Variants in FOXP1 observed in about 807,000 individuals in gnomAD.
FOXP1 encodes forkhead box protein P1.
A neutral mutation model predicts 98.2 loss-of-function variants in FOXP1; 15 were observed. That is an observed-to-expected ratio of 0.15 (90% CI 0.10 to 0.24). The LOEUF (loss-of-function observed/expected upper bound fraction) is 0.24. Ranked by LOEUF, FOXP1 falls within the 10% of genes least tolerant of loss-of-function variation. The pLI is 1.00. For missense variants in FOXP1, 633 were observed against 848.5 expected, an observed-to-expected ratio of 0.75 and a Z score of 3.15; for synonymous variants, 371 against 314.5, an observed-to-expected ratio of 1.18 and a Z score of -1.90.
intron 11 of FOXP1, among the ~76,000 whole-genome samples, chr3:71,024,575 C>A (rs1034638681): frequency 2.6e-5 from 4 of 152,124 alleles, no homozygotes; most frequent in East Asian, 1.9e-4. Flanking sequence ...CGCAGGGAAT[C>A]CTTGACTCTC....
At chr3:71,212,877 T>C (rs549476130) in intron 5 of FOXP1, among the ~76,000 whole-genome samples, 72 of 151,996 alleles carry the variant, frequency 4.7e-4, no homozygotes, top group African/African-American at 1.6e-3. Flanking sequence ...GCTTCATAGA[T>C]TGTATCATTT....
At chr3:71,210,520 C>G (rs2064374701) in intron 5 of FOXP1, among the ~76,000 whole-genome samples, 1 of 152,172 alleles carries the variant, frequency 6.6e-6, no homozygotes, top group African/African-American at 2.4e-5. Flanking sequence ...GAAGAGACAT[C>G]AAGAACTTCC....
intron 5 of FOXP1, among the ~76,000 whole-genome samples, chr3:71,205,815 A>T (rs1287604580): frequency 1.3e-5 from 2 of 152,232 alleles, no homozygotes; most frequent in African/African-American, 4.8e-5. Context: ...AGTGGGGATC[A>T]TCTATAGCTA....
chr3:71,084,951 T>C, intron 7 of FOXP1, among the ~76,000 whole-genome samples: 1 of 152,172 alleles, frequency 6.6e-6, no homozygotes, highest in East Asian at 1.9e-4. Context: ...CAATAGTTGC[T>C]TGAATAAATA....
At chr3:71,026,901 G>C (rs1461775746) in intron 11 of FOXP1, among the ~76,000 whole-genome samples, 1 of 152,200 alleles carries the variant, frequency 6.6e-6, no homozygotes, top group Non-Finnish European at 1.5e-5. Flanking sequence ...AGCACAAAAT[G>C]CCTGTATTTG....
intron 2 of FOXP1, among the ~76,000 whole-genome samples, chr3:71,504,305 G>A (rs974043608): frequency 3.3e-5 from 5 of 152,046 alleles, no homozygotes; most frequent in South Asian, 4.1e-4. Flanking sequence ...GAGCAGAAAC[G>A]AAATTTCAGA....
At chr3:71,378,252 A>G (rs1015173762) in intron 3 of FOXP1, among the ~76,000 whole-genome samples, 13 of 152,136 alleles carry the variant, frequency 8.5e-5, no homozygotes, top group African/African-American at 2.9e-4. Flanking sequence ...AGTAACTAAC[A>G]GAACAATACA....
chr3:71,368,271 G>A lies in FOXP1; in HGVS notation c.-167-9027C>T, dbSNP rs1373246484. On this transcript the variant is annotated intron_variant, in intron 3 of 20. Transcript: ENST00000649528. ...TCCTGAGTAGCTGGGATAAACAGGC[G>A]TGTGCCACGACACCTGGCTAATTTT... Among the ~76,000 whole-genome samples the A allele has an allele frequency of 6.6e-5, 10 of 151,984 alleles. 1 individual carries two copies. In the South Asian group the frequency reaches 8.3e-4, roughly 13 times the overall value.
At chr3:71,434,940 G>A (rs559606986) in intron 3 of FOXP1, among the ~76,000 whole-genome samples, 40 of 151,968 alleles carry the variant, frequency 2.6e-4, no homozygotes, top group South Asian at 6.2e-4. Context: ...ACAGGCCCCC[G>A]TCACCTCCGT....
rs73094887 is a variant in FOXP1, at chr3:71,537,085, C to T, written c.-297-43530G>A. The stretch of plus-strand genomic sequence containing the variant: ...GCCAGCGATCCCTAAATAAAAGGTG[C>T]CACTGGGGTTTTAACTTCCTTTAAG... On this transcript the variant is annotated intron_variant, in intron 2 of 20. Coordinates refer to ENST00000649528, the MANE Select transcript of FOXP1 (RefSeq NM_001349338.3). Among the ~76,000 whole-genome samples the T allele has an allele frequency of 3.2e-3, 486 of 152,248 alleles. 1 individual carries two copies. Among genetic ancestry groups the T allele is most frequent in the Non-Finnish European group, 4.2e-3 (284 of 68,006 alleles).
At position 71,248,357 on chromosome 3, in the gene FOXP1, C is replaced by T. The variant is rs537833823; in HGVS notation, c.-11-49965G>A. ...ACCAGTTCATCAGCCATGCTCTCTT[C>T]CTGCTAATAATGGAGTTGGAAAAAG... On this transcript the variant is annotated intron_variant, in intron 5 of 20. Coordinates refer to ENST00000649528, the MANE Select transcript of FOXP1 (RefSeq NM_001349338.3). Among the ~76,000 whole-genome samples the T allele has an allele frequency of 4.6e-5, 7 of 152,272 alleles. No homozygotes were observed. In the South Asian group the frequency reaches 8.3e-4, roughly 18 times the overall value.
At chr3:71,373,072 C>T (rs2079457961) in intron 3 of FOXP1, among the ~76,000 whole-genome samples, 1 of 152,182 alleles carries the variant, frequency 6.6e-6, no homozygotes, top group Non-Finnish European at 1.5e-5. Flanking sequence ...AGCTCCTCTA[C>T]CCTGGACGAC....
rs202216557 is a variant in FOXP1, at chr3:71,082,303, G to C, written c.283-28530C>G. ...AAAAAAAAGAAAAAAAAAAAAAAAA[G>C]AATAGACGGTGCTGATGTCTAGAAC... On this transcript the variant is annotated intron_variant, in intron 7 of 20. Transcript: ENST00000649528. Among the ~76,000 whole-genome samples the C allele has an allele frequency of 3.5e-5, 5 of 143,454 alleles. No homozygotes were observed. In the South Asian group the frequency reaches 8.8e-4, roughly 25 times the overall value. 94.1% of individuals were successfully genotyped at this position (143,454 alleles called of 152,430 possible).
intron 3 of FOXP1, among the ~76,000 whole-genome samples, chr3:71,464,819 C>A (rs574874899): frequency 6.6e-5 from 10 of 152,182 alleles, no homozygotes; most frequent in Non-Finnish European, 1.5e-4. Context: ...AAGCAGGGGA[C>A]TAAGCAGAAG....
chr3:71,271,049 G>T (rs982078952), intron 5 of FOXP1, among the ~76,000 whole-genome samples: 1 of 152,176 alleles, frequency 6.6e-6, no homozygotes, highest in African/African-American at 2.4e-5. Flanking sequence ...TGGCCAATAT[G>T]GTGAAACCCC....
intron 6 of FOXP1, among the ~76,000 whole-genome samples, chr3:71,113,858 C>A (rs1280412674): frequency 4.6e-5 from 7 of 152,086 alleles, no homozygotes; most frequent in Admixed American, 4.6e-4. Flanking sequence ...GCTAGCCACA[C>A]ACCTTTCCAA....
At chr3:71,047,772 C>T (rs562256901) in intron 9 of FOXP1, among the ~76,000 whole-genome samples, 1 of 152,316 alleles carries the variant, frequency 6.6e-6, no homozygotes, top group South Asian at 2.1e-4. Flanking sequence ...GCTTTAGTCT[C>T]AGAAACTCCC....
At chr3:71,550,742 A>C (rs1306460092) in intron 2 of FOXP1, among the ~76,000 whole-genome samples, 1 of 152,212 alleles carries the variant, frequency 6.6e-6, no homozygotes, top group Non-Finnish European at 1.5e-5. Flanking sequence ...AGTCCATTAG[A>C]CACCAGCTCA....
chr3:71,123,670 G>C (rs898598904), intron 6 of FOXP1, among the ~76,000 whole-genome samples: 2 of 152,112 alleles, frequency 1.3e-5, no homozygotes, highest in Admixed American at 1.3e-4. Flanking sequence ...CTCTTCTCCT[G>C]ACCCACTCGG....
Sources: allele counts gnomAD v4.1 joint callset (sites outside exome capture counted in the v4.1 genomes callset), GRCh38; gene constraint gnomAD v4.1.1; transcripts MANE v1.5; gene names NCBI Gene and HGNC (gene_info 2026-07-23, HGNC 2026-07-21).